CYP4F12: variants seen among roughly 807,000 people sequenced by gnomAD.
The protein encoded by CYP4F12 is cytochrome P450 family 4 subfamily F member 12.
CYP4F12 carries 60 observed loss-of-function variants against 56.5 expected under a neutral mutation model. The ratio of observed to expected loss-of-function variants is 1.06; its 90% CI spans 0.86 to 1.32. CYP4F12 has a LOEUF of 1.32. CYP4F12 is among the 40% of genes most tolerant of loss of function. The pLI is 0.00. For missense variants in CYP4F12, 711 were observed against 683.5 expected, an observed-to-expected ratio of 1.04 and a Z score of -0.45; for synonymous variants, 263 against 264.9, an observed-to-expected ratio of 0.99 and a Z score of 0.07.
rs748947664 is a variant in CYP4F12, at chr19:15,696,410, C to T, written c.1315-20C>T. Reference sequence around the variant, plus strand: ...GACATAGGAAATCCCACTGGCAAACCTTCTTTGTCTCACCTGCAGGTCTAC... The same window carrying T: ...GACATAGGAAATCCCACTGGCAAACTTTCTTTGTCTCACCTGCAGGTCTAC... On this transcript the variant is annotated intron_variant, in intron 11 of 12. Transcript: ENST00000550308. 1.2e-6 allele frequency: 2 copies of T among 1,614,012 alleles called. No homozygotes were observed. Among genetic ancestry groups the T allele is most frequent in the Non-Finnish European group, 8.5e-7 (1 of 1,179,998 alleles).
At chr19:15,674,983 C>T (rs1237139420) in intron 2 of CYP4F12, among the ~76,000 whole-genome samples, 10 of 152,234 alleles carry the variant, frequency 6.6e-5, no homozygotes, top group Non-Finnish European at 1.3e-4. Flanking sequence ...TGTATCTGCC[C>T]ATCTCTGGGC....
rs753941970 is a variant in CYP4F12, at chr19:15,683,699, AT to A, written c.860del (p.Phe287SerfsTer18). ...ACCCTCCCCACTCAGGGTATTGATG[AT>A]TTTTTCAAAGACAAAGCCAAGTCCA... ...RRTLPTQGIDDFFKDKAKSKT... is the reference protein window; with the variant it reads ...RRTLPTQGIDXFFKDKAKSKT... On this transcript the variant is annotated frameshift_variant, in exon 7 of 13. Transcript: ENST00000550308. LOFTEE classifies it high-confidence loss of function. 6.2e-7 allele frequency: 1 copy of A among 1,605,950 alleles called. No homozygotes were observed. Among genetic ancestry groups the A allele is most frequent in the African/African-American group, 1.3e-5 (1 of 74,576 alleles).
intron 9 of CYP4F12, among the ~76,000 whole-genome samples, chr19:15,686,690 T>C (rs918759830): frequency 6.6e-6 from 1 of 151,440 alleles, no homozygotes. Flanking sequence ...TAACAAGTGG[T>C]TGAGCAGGGG....
intron 9 of CYP4F12, among the ~76,000 whole-genome samples, chr19:15,693,535 A>AT (rs1568425808): frequency 5.7e-5 from 1 of 17,504 alleles, no homozygotes; most frequent in African/African-American, 2.4e-4. Context: ...TTTTTGATGG[A>AT]GTTGTTTTTT....
chr19:15,694,894 A>G (rs1366133805), intron 9 of CYP4F12, among the ~76,000 whole-genome samples: 2 of 152,154 alleles, frequency 1.3e-5, no homozygotes, highest in South Asian at 2.1e-4. Context: ...ACACTTTTAC[A>G]CTGTTGGTGG....
chr19:15,693,068 C>T (rs1467261045), intron 9 of CYP4F12, among the ~76,000 whole-genome samples: 2 of 152,014 alleles, frequency 1.3e-5, no homozygotes, highest in African/African-American at 4.8e-5. Context: ...ACAGAGACTC[C>T]ATTCCCTCCC....
intron 12 of CYP4F12, 51 bp downstream of exon 12, chr19:15,696,563 TA>T (rs747926643): frequency 6.4e-6 from 10 of 1,565,314 alleles, no homozygotes; most frequent in East Asian, 2.2e-5. Context: ...GTGCGGGAGT[TA>T]AAAAAAGGGG....
At chr19:15,693,791 C>T (rs1388025524) in intron 9 of CYP4F12, among the ~76,000 whole-genome samples, 5 of 148,530 alleles carry the variant, frequency 3.4e-5, no homozygotes, top group East Asian at 1.9e-4. Context: ...GGTAATGCCT[C>T]GGTTTTCTTC....
chr19:15,686,691 T>C (rs2007622329), intron 9 of CYP4F12, among the ~76,000 whole-genome samples: 1 of 151,334 alleles, frequency 6.6e-6, no homozygotes, highest in Non-Finnish European at 1.5e-5. Context: ...AACAAGTGGT[T>C]GAGCAGGGGA....
At chr19:15,694,565 C>G (rs886977827) in intron 9 of CYP4F12, among the ~76,000 whole-genome samples, 121 of 152,268 alleles carry the variant, frequency 7.9e-4, no homozygotes, top group African/African-American at 2.8e-3. Flanking sequence ...GCTGAAGTTG[C>G]TTATCAGCTT....
intron 8 of CYP4F12, 79 bp downstream of exon 8, chr19:15,684,961 C>A: frequency 6.4e-7 from 1 of 1,566,510 alleles, no homozygotes; most frequent in Non-Finnish European, 8.7e-7. Context: ...CCCTGGATCA[C>A]TCCATTCTGC....
Position 15,673,645 on chromosome 19 carries a change from A to C in CYP4F12, c.116A>C (p.Tyr39Ser). The stretch of plus-strand genomic sequence containing the variant: ...CTCGCCCGCATCCTGGCTTGGACCT[A>C]TGCCTTCTATAACAACTGCCGCCGG... The part of the protein sequence containing the change: ...WLLARILAWT[Y>S]AFYNNCRRLQ... Residue 39 changes from tyrosine (Y) to serine (S), a missense_variant, in exon 2 of 13, where the codon TAT becomes TCT. Tyr to Ser is a moderately radical substitution (Grantham distance 144). Transcript: ENST00000550308. 6.2e-7 allele frequency: 1 copy of C among 1,614,114 alleles called. No individual in the cohort carries two copies. The highest frequency in any genetic ancestry group is 8.5e-7 in the Non-Finnish European group (1 of 1,180,012).
intron 3 of CYP4F12, among the ~76,000 whole-genome samples, chr19:15,678,863 C>T (rs1249604536): frequency 6.6e-6 from 1 of 152,216 alleles, no homozygotes; most frequent in East Asian, 1.9e-4. Flanking sequence ...CTTGCACCAG[C>T]CTTGCCCATC....
At chr19:15,692,963 A>G (rs2144760797) in intron 9 of CYP4F12, among the ~76,000 whole-genome samples, 1 of 152,264 alleles carries the variant, frequency 6.6e-6, no homozygotes, top group South Asian at 2.1e-4. Context: ...CTGTAGTCCC[A>G]GCTACTTGGG....
intron 5 of CYP4F12, chr19:15,680,846 T>C: frequency 2.7e-6 from 1 of 370,338 alleles, no homozygotes; most frequent in Non-Finnish European, 5.2e-6. Flanking sequence ...GCCATAAGGG[T>C]TTACAATTGC....
At chr19:15,686,320 A>T (rs1476629770) in intron 9 of CYP4F12, among the ~76,000 whole-genome samples, 1 of 152,222 alleles carries the variant, frequency 6.6e-6, no homozygotes, top group Non-Finnish European at 1.5e-5. Context: ...AAAGTGCCTC[A>T]ACTGAAACCC....
intron 5 of CYP4F12, 23 bp from the exon 6 acceptor site, chr19:15,682,366 G>A: frequency 6.2e-7 from 1 of 1,610,522 alleles, no homozygotes; most frequent in Non-Finnish European, 8.5e-7. Flanking sequence ...CCCAGCTCTA[G>A]CTCTCTTCCC....
At chr19:15,680,989 C>T (rs2007267624) in intron 5 of CYP4F12, 1 of 259,184 alleles carries the variant, frequency 3.9e-6, no homozygotes. Context: ...GGCTTCAGTA[C>T]CTTCAGACTC....
Position 15,682,414 on chromosome 19 carries a change from A to C in CYP4F12, c.551A>C (p.Glu184Ala). 3 of 1,613,552 alleles carry C rather than the reference A, an allele frequency of 1.9e-6. No individual in the cohort carries two copies. Among genetic ancestry groups the C allele is most frequent in the Non-Finnish European group, 2.5e-6 (3 of 1,179,588 alleles). ...GACAAGTGGCAGCACCTGGCCTCAGAGGGCAGCAGTCGTCTGGACATGTTT... is the reference window on the plus strand; with the variant it reads ...GACAAGTGGCAGCACCTGGCCTCAGCGGGCAGCAGTCGTCTGGACATGTTT... ...MLDKWQHLAS[E>A]GSSRLDMFEH... Residue 184 changes from glutamate (E) to alanine (A), a missense_variant, in exon 6 of 13, where the codon GAG (glutamate) becomes GCG (alanine). By Grantham distance (107) the Glu-to-Ala change is moderately radical. Coordinates refer to ENST00000550308, the MANE Select transcript of CYP4F12 (RefSeq NM_023944.4).
Sources: allele counts gnomAD v4.1 joint callset (sites outside exome capture counted in the v4.1 genomes callset), GRCh38; gene constraint gnomAD v4.1.1; transcripts MANE v1.5; gene names NCBI Gene and HGNC (gene_info 2026-07-23, HGNC 2026-07-21).